Variants in PRKACA observed in about 807,000 individuals in gnomAD.
The protein encoded by PRKACA is protein kinase cAMP-activated catalytic subunit alpha.
A neutral mutation model predicts 45.8 loss-of-function variants in PRKACA; 9 were observed. The ratio of observed to expected loss-of-function variants is 0.20; its 90% CI spans 0.12 to 0.34. The LOEUF is 0.34. Among genes scored for constraint, PRKACA ranks in the 10% least tolerant of loss-of-function variants. PRKACA has a pLI of 1.00. For missense variants in PRKACA, 238 were observed against 458.6 expected, an observed-to-expected ratio of 0.52 and a Z score of 4.39; for synonymous variants, 160 against 178.6, an observed-to-expected ratio of 0.90 and a Z score of 0.83.
At chr19:14,103,164 G>A (rs983645319) in intron 3 of PRKACA, among the ~76,000 whole-genome samples, 3 of 152,302 alleles carry the variant, frequency 2.0e-5, no homozygotes, top group Middle Eastern at 6.8e-3. Context: ...AGAGGTCAGA[G>A]CCGTGGTGGA....
In PRKACA at chr19:14,093,169, T is replaced by C. The variant is rs1234373080; in HGVS notation, c.999A>G (p.Glu333=). Residue 333 remains glutamate, a synonymous_variant, in exon 10 of 10, where the codon GAA becomes GAG. Transcript: ENST00000308677. ...CATTGATGGAGACCCGGATTTCTTCTTCCTCATAGTCGTCAAAGTTACTCG... is the reference window on the plus strand; with the variant it reads ...CATTGATGGAGACCCGGATTTCTTCCTCCTCATAGTCGTCAAAGTTACTCG... The part of the protein sequence containing the change: ...GDTSNFDDYE[E]EEIRVSINEK... The C allele has an allele frequency of 1.2e-6, 2 of 1,613,924 alleles. No individual in the cohort carries two copies. Among genetic ancestry groups the C allele is most frequent in the African/African-American group, 2.7e-5 (2 of 74,896 alleles).
Position 14,092,847 on chromosome 19 carries a change from AGGGGCTGG to A in PRKACA, c.*257_*264del. ...AGGCAGAAGTGGGCTGGGAGGGCTG[AGGGGCTGG>A]GGGGCTGTGGGGAAAGAGGAAGGGA... On this transcript the variant is annotated 3_prime_UTR_variant, in exon 10 of 10. Transcript: ENST00000308677. 1 of 169,966 alleles carries A rather than the reference AGGGGCTGG, an allele frequency of 5.9e-6. No homozygotes were observed. Among genetic ancestry groups the A allele is most frequent in the Non-Finnish European group, 1.1e-5 (1 of 93,866 alleles). The allele number at this position is 169,966 out of a possible 1,614,324, so 10.5% of individuals were successfully genotyped here. A position where few individuals can be genotyped will look rare whatever the true frequency, so the allele number is the denominator to read the frequency against.
Position 14,093,838 on chromosome 19 carries a change from T to C in PRKACA, c.766-46A>G, listed in dbSNP as rs754005627. On this transcript the variant is annotated intron_variant, in intron 8 of 9. Transcript: ENST00000308677. ...ACAGGGTGGGAAGCTGGTCTGGAAC[T>C]TGGGAAGCCCATGATGCTTCTTTCT... is the stretch of plus-strand genomic sequence containing the variant. 1.7e-5 allele frequency: 27 copies of C among 1,558,118 alleles called. No homozygotes were observed. In the Admixed American group the frequency reaches 4.9e-4, roughly 29 times the overall value.
At chr19:14,101,976 C>G (rs778652740) in intron 4 of PRKACA, among the ~76,000 whole-genome samples, 1 of 152,126 alleles carries the variant, frequency 6.6e-6, no homozygotes, top group Non-Finnish European at 1.5e-5. Context: ...CCAGCCTGAG[C>G]AACATGGCAA....
At chr19:14,106,935 C>T (rs754305060) in intron 2 of PRKACA, 47 bp from the exon 3 acceptor site, 2 of 1,609,222 alleles carry the variant, frequency 1.2e-6, no homozygotes, top group African/African-American at 2.7e-5. Flanking sequence ...CTCCCCGCGG[C>T]CTGCTTGGCT....
At chr19:14,116,833 G>C (rs1450972004) in intron 1 of PRKACA, among the ~76,000 whole-genome samples, 2 of 151,988 alleles carry the variant, frequency 1.3e-5, no homozygotes, top group African/African-American at 4.8e-5. Context: ...GCAGCAGAAT[G>C]ACAGAGTGAC....
rs529114892 is a variant in PRKACA, at chr19:14,092,166, A to G, written c.*946T>C. The G allele has an allele frequency of 6.5e-6, 1 of 153,570 alleles. No homozygotes were observed. Among genetic ancestry groups the G allele is most frequent in the Non-Finnish European group, 1.5e-5 (1 of 68,826 alleles). 9.5% of individuals were successfully genotyped at this position (153,570 alleles called of 1,614,324 possible). A position where few individuals can be genotyped will look rare whatever the true frequency, so the allele number is the denominator to read the frequency against. ...AAGGCTGGACGTTAAAATCTAGCGG[A>G]GAATAAAATTAAGGAGTTGGGGGGA... is the stretch of plus-strand genomic sequence containing the variant. On this transcript the variant is annotated 3_prime_UTR_variant, in exon 10 of 10. Coordinates refer to ENST00000308677, the MANE Select transcript of PRKACA (RefSeq NM_002730.4).
At chr19:14,100,141 C>A (rs1244532418) in intron 5 of PRKACA, among the ~76,000 whole-genome samples, 1 of 150,428 alleles carries the variant, frequency 6.6e-6, no homozygotes, top group Non-Finnish European at 1.5e-5. Context: ...CTGCGCCCAG[C>A]CAATTTTTTT....
chr19:14,114,360 C>T (rs917911737), intron 1 of PRKACA, among the ~76,000 whole-genome samples: 6 of 152,140 alleles, frequency 3.9e-5, no homozygotes, highest in Admixed American at 3.3e-4. Flanking sequence ...TTTCTGTAGA[C>T]GCGGTTGCGC....
chr19:14,092,352 A>T lies in PRKACA; in HGVS notation c.*760T>A. ...GAAAAAGAGAGCGGAGGCTTCCTAA[A>T]GGGGCCTAGACCCTCGCAGGATTGG... On this transcript the variant is annotated 3_prime_UTR_variant, in exon 10 of 10. Transcript: ENST00000308677. 3.0e-6 allele frequency: 1 copy of T among 327,892 alleles called. No homozygotes were observed. The highest frequency in any genetic ancestry group is 2.1e-5 in the African/African-American group (1 of 47,280). 20.3% of individuals were successfully genotyped at this position (327,892 alleles called of 1,614,324 possible).
chr19:14,106,654 A>C, intron 3 of PRKACA, 106 bp downstream of exon 3: 1 of 1,420,204 alleles, frequency 7.0e-7, no homozygotes, highest in African/African-American at 1.4e-5. Flanking sequence ...ACTCTGAATC[A>C]AAAAAAAGCA....
chr19:14,101,139 GAA>G, intron 4 of PRKACA: 1 of 525,012 alleles, frequency 1.9e-6, no homozygotes, highest in Non-Finnish European at 3.5e-6. Context: ...GCTGGAGAGA[GAA>G]CTCTGTAGTA....
chr19:14,107,549 C>G, intron 1 of PRKACA, 140 bp from the exon 2 acceptor site: 1 of 1,305,426 alleles, frequency 7.7e-7, no homozygotes, highest in Non-Finnish European at 1.1e-6. Context: ...GCCTCTGGGG[C>G]CTTGGCTGGG....
chr19:14,104,210 G>A (rs1378559059), intron 3 of PRKACA, among the ~76,000 whole-genome samples: 1 of 151,164 alleles, frequency 6.6e-6, no homozygotes, highest in Non-Finnish European at 1.5e-5. Context: ...GGTGGCGGGC[G>A]CCTGTAGTCC....
At chr19:14,116,072 G>A (rs1264445002) in intron 1 of PRKACA, among the ~76,000 whole-genome samples, 1 of 152,192 alleles carries the variant, frequency 6.6e-6, no homozygotes, top group African/African-American at 2.4e-5. Context: ...AAAGTTCCCT[G>A]GCTTTCATAC....
At chr19:14,112,194 GA>G in intron 1 of PRKACA, 1 of 152,386 alleles carries the variant, frequency 6.6e-6, no homozygotes, top group Non-Finnish European at 1.5e-5. Context: ...TGATGGGGGG[GA>G]GGGGCAGGTA....
intron 1 of PRKACA, among the ~76,000 whole-genome samples, chr19:14,109,700 G>A (rs1448870701): frequency 6.6e-6 from 1 of 151,246 alleles, no homozygotes; most frequent in South Asian, 2.1e-4. Flanking sequence ...CACTTTGGGA[G>A]GCCGAGGCAG....
Position 14,097,933 on chromosome 19 carries a change from C to T in PRKACA, c.420-43G>A. Reference sequence around the variant, plus strand: ...GGAGGTGAACGTCAGTGGTCATGCCCCAAAATGGTCCAGCAGGTGGCCCTG... The same window carrying T: ...GGAGGTGAACGTCAGTGGTCATGCCTCAAAATGGTCCAGCAGGTGGCCCTG... On this transcript the variant is annotated intron_variant, in intron 5 of 9. Coordinates refer to ENST00000308677, the MANE Select transcript of PRKACA (RefSeq NM_002730.4). This position sits in a 1 kb window ranked among gnomAD's most constrained non-coding sequence, Gnocchi z 5.4. The T allele has an allele frequency of 1.2e-6, 2 of 1,609,802 alleles. No homozygotes were observed. Among genetic ancestry groups the T allele is most frequent in the East Asian group, 4.5e-5 (2 of 44,754 alleles).
chr19:14,102,573 T>C (rs1977476369), intron 4 of PRKACA, among the ~76,000 whole-genome samples: 2 of 152,168 alleles, frequency 1.3e-5, no homozygotes, highest in African/African-American at 4.8e-5. Context: ...TTTTGAGGGA[T>C]GTTACTGAGG....
Sources: gnomAD v4.1 joint callset for allele counts (sites outside exome capture counted in the v4.1 genomes callset) on GRCh38, gnomAD v4.1.1 for gene constraint, Gnocchi (gnomAD v3.1) non-coding constraint, MANE v1.5 for transcripts, NCBI Gene and HGNC (gene_info 2026-07-23, HGNC 2026-07-21) for gene names.